Variants in LIG1 observed in about 807,000 individuals in gnomAD.
LIG1 encodes the protein DNA ligase 1.
In LIG1, 70 loss-of-function variants were observed where a neutral mutation model predicts 115.7. The ratio of observed to expected loss-of-function variants is 0.60; its 90% CI spans 0.50 to 0.74. LIG1 has a LOEUF of 0.74. Ranked by LOEUF, LIG1 falls within the 30% of genes least tolerant of loss-of-function variation. The probability of loss-of-function intolerance (pLI) is 0.00; values close to 1 mark genes in which losing one functional copy is unlikely to be tolerated. For synonymous variants in LIG1, 487 were observed against 495.3 expected (o/e 0.98, Z 0.22); for missense variants, 1,115 against 1,225.6 (o/e 0.91, Z 1.35).
intron 18 of LIG1, among the ~76,000 whole-genome samples, chr19:48,132,313 T>C (rs911840795): frequency 6.6e-6 from 1 of 152,142 alleles, no homozygotes; most frequent in Non-Finnish European, 1.5e-5. Flanking sequence ...CCTGAGGCCC[T>C]GGATCACAGG....
At chr19:48,117,887 C>T in intron 25 of LIG1, 106 bp from the exon 26 acceptor site, 2 of 1,178,104 alleles carry the variant, frequency 1.7e-6, no homozygotes, top group Admixed American at 3.9e-5. Flanking sequence ...ACAGGCACCC[C>T]CTTGAAGTAA....
Position 48,136,079 on chromosome 19 carries a change from G to A in LIG1, c.1378C>T (p.Leu460=). 2 of 1,573,508 alleles carry A rather than the reference G, an allele frequency of 1.3e-6. No homozygotes were observed. Among genetic ancestry groups the A allele is most frequent in the Non-Finnish European group, 1.7e-6 (2 of 1,159,962 alleles). The change falls in exon 15 of 28, where the codon CTG becomes TTG. Residue 460 remains leucine, a synonymous_variant. Transcript: ENST00000263274. ...LRLGLAEQSV[L]AALSQAVSLT... ...CTCACTGCCTGGGAGAGGGCAGCCAGCACCGACTGCTCTGCCAGCCCAAGG... is the reference window on the plus strand; with the variant it reads ...CTCACTGCCTGGGAGAGGGCAGCCAACACCGACTGCTCTGCCAGCCCAAGG...
chr19:48,150,220 G>C lies in LIG1; in HGVS notation c.575-10C>G, dbSNP rs199503332. ...GTCGGGGTCTCTGCTTCTGCGGTGA[G>C]AGAGCTCAGACGGTGATGCAAACTC... On this transcript the variant is annotated splice_polypyrimidine_tract_variant and intron_variant, in intron 7 of 27. Coordinates refer to ENST00000263274, the MANE Select transcript of LIG1 (RefSeq NM_000234.3). 3.0e-5 allele frequency: 49 copies of C among 1,614,102 alleles called. No individual in the cohort carries two copies. In the Middle Eastern group the frequency reaches 5.0e-4, roughly 16 times the overall value.
At chr19:48,153,413 G>A (rs190639244) in intron 6 of LIG1, among the ~76,000 whole-genome samples, 2 of 151,612 alleles carry the variant, frequency 1.3e-5, no homozygotes, top group African/African-American at 4.8e-5. Context: ...TCATTTAGAG[G>A]AAAAATAGTT....
Position 48,149,292 on chromosome 19 carries a change from G to T in LIG1, c.776+471C>A, listed in dbSNP as rs546032410. On this transcript the variant is annotated intron_variant, in intron 9 of 27. Transcript: ENST00000263274. Reference sequence around the variant, plus strand: ...AGGCTAGGCGACAGAGCAAGACTCTGTCTCAAAAATAAAAAATCTGGTGAG... The same window carrying T: ...AGGCTAGGCGACAGAGCAAGACTCTTTCTCAAAAATAAAAAATCTGGTGAG... 1.1e-4 allele frequency among the ~76,000 whole-genome samples: 17 copies of T among 152,278 alleles called. No individual in the cohort carries two copies. In the South Asian group the frequency reaches 3.1e-3, roughly 28 times the overall value.
chr19:48,145,445 G>A (rs1343910628), intron 9 of LIG1, among the ~76,000 whole-genome samples: 1 of 152,184 alleles, frequency 6.6e-6, no homozygotes, highest in East Asian at 1.9e-4. Flanking sequence ...ATGGAACAAT[G>A]AGGACTCCCC....
At chr19:48,120,123 G>A (rs3731035) in intron 24 of LIG1, 2 of 944,708 alleles carry the variant, frequency 2.1e-6, no homozygotes, top group Admixed American at 1.2e-4. Context: ...AGTCACTTCT[G>A]TCACTGATCG....
intron 24 of LIG1, chr19:48,120,042 A>T: frequency 2.9e-6 from 1 of 347,794 alleles, no homozygotes; most frequent in Non-Finnish European, 4.0e-6. Flanking sequence ...TAGCTCATTT[A>T]AAAATCTATT....
chr19:48,119,741 C>T (rs1316241478), intron 24 of LIG1, among the ~76,000 whole-genome samples: 1 of 151,898 alleles, frequency 6.6e-6, no homozygotes, highest in Non-Finnish European at 1.5e-5. Context: ...TGGGGTCTCA[C>T]TATGTTGCCC....
rs1448384689 is a variant in LIG1 at position 48,134,076 on chromosome 19, C to T, written c.1524-10G>A. ...CAGGTCGGGAACCTCGCTGGGGTGG[C>T]GGGTGAGAACAAGATAGGGGAAGCC... On this transcript the variant is annotated splice_polypyrimidine_tract_variant and intron_variant, in intron 16 of 27. Transcript: ENST00000263274. The T allele has an allele frequency of 5.2e-6, 8 of 1,552,678 alleles. No homozygotes were observed. Among genetic ancestry groups the T allele is most frequent in the Admixed American group, 2.0e-5 (1 of 51,278 alleles).
intron 14 of LIG1, 28 bp from the exon 15 acceptor site, chr19:48,136,153 G>C (rs1568503987): frequency 1.3e-5 from 20 of 1,525,722 alleles, no homozygotes; most frequent in Non-Finnish European, 1.8e-5. Context: ...CAGGGAAGGG[G>C]GCTTGTCTGC....
intron 4 of LIG1, among the ~76,000 whole-genome samples, chr19:48,157,516 T>C (rs2035926643): frequency 6.6e-6 from 1 of 152,040 alleles, no homozygotes; most frequent in Non-Finnish European, 1.5e-5. Flanking sequence ...TCAGGGGAAA[T>C]GATGTACACC....
intron 5 of LIG1, chr19:48,154,371 T>C: frequency 3.3e-6 from 1 of 298,792 alleles, no homozygotes; most frequent in South Asian, 3.3e-5. Context: ...GGGAATAAAC[T>C]AGCCCCAGGA....
At chr19:48,164,265 C>T (rs1172859964) in intron 2 of LIG1, among the ~76,000 whole-genome samples, 1 of 152,278 alleles carries the variant, frequency 6.6e-6, no homozygotes, top group East Asian at 1.9e-4. Context: ...ACCATCAGCC[C>T]TGGAGAGACA....
At chr19:48,120,942 CA>C (rs1421956481) in intron 24 of LIG1, 4 of 1,383,816 alleles carry the variant, frequency 2.9e-6, no homozygotes, top group Non-Finnish European at 3.7e-6. Flanking sequence ...TAGCTAATCT[CA>C]ATCTCTCACT....
rs1306708633 is a variant in LIG1, at chr19:48,149,779, C to T, written c.760G>A (p.Glu254Lys). 6 of 1,613,980 alleles carry T rather than the reference C, an allele frequency of 3.7e-6. No individual in the cohort carries two copies. Among genetic ancestry groups the T allele is most frequent in the Non-Finnish European group, 5.1e-6 (6 of 1,179,960 alleles). The change falls in exon 9 of 28, where the codon GAG becomes AAG. Residue 254 changes from glutamate to lysine, a missense_variant. Glu to Lys is a moderately conservative substitution (Grantham distance 56, BLOSUM62 1). Coordinates refer to ENST00000263274, the MANE Select transcript of LIG1 (RefSeq NM_000234.3). The part of the protein sequence containing the change: ...KEEEPGAPGK[E>K]GAAEGPLDPS... The stretch of plus-strand genomic sequence containing the variant: ...CTGACTCACCCCTCAGCAGCTCCCT[C>T]CTTTCCTGGAGCCCCTGGCTCCTCT...
At chr19:48,136,202 C>A in intron 14 of LIG1, 77 bp from the exon 15 acceptor site, 1 of 1,116,096 alleles carries the variant, frequency 9.0e-7, no homozygotes, top group Non-Finnish European at 1.3e-6. Flanking sequence ...CTGATCTCCT[C>A]GACCTTGATG....
chr19:48,156,633 A>C (rs2035854523), intron 5 of LIG1, among the ~76,000 whole-genome samples: 1 of 152,158 alleles, frequency 6.6e-6, no homozygotes, highest in Admixed American at 6.5e-5. Context: ...TTGGATGGGA[A>C]TCCAAGTGGG....
intron 24 of LIG1, chr19:48,120,154 GTAATCACAT>G: frequency 1.0e-6 from 1 of 984,056 alleles, no homozygotes; most frequent in Non-Finnish European, 1.2e-6. Flanking sequence ...CGGACACTAA[GTAATCACAT>G]TACCCATCAG....
Sources: gnomAD v4.1 joint callset for allele counts (sites outside exome capture counted in the v4.1 genomes callset) on GRCh38, gnomAD v4.1.1 for gene constraint, MANE v1.5 for transcripts, NCBI Gene and HGNC (gene_info 2026-07-23, HGNC 2026-07-21) for gene names.